ZNF510: variants seen among roughly 807,000 people sequenced by gnomAD.
ZNF510 encodes zinc finger protein 510.
ZNF510 carries 15 observed loss-of-function variants against 18.1 expected under a neutral mutation model. That is an observed-to-expected ratio of 0.83 (90% CI 0.55 to 1.28). The LOEUF is 1.28. ZNF510 is among the 50% of genes most tolerant of loss of function. The pLI is 0.00. For synonymous variants in ZNF510, 261 were observed against 266.4 expected (o/e 0.98, Z 0.20); for missense variants, 724 against 791.8 (o/e 0.91, Z 1.03).
intron 5 of ZNF510, among the ~76,000 whole-genome samples, chr9:96,760,888 T>C (rs1190718510): frequency 6.6e-6 from 1 of 152,144 alleles, no homozygotes; most frequent in Non-Finnish European, 1.5e-5. Flanking sequence ...TGGAATAGAC[T>C]CAACAGGGAG....
At position 96,765,499 on chromosome 9, in the gene ZNF510, T is replaced by G. The variant is rs542346474; in HGVS notation, c.130-1867A>C. Among the ~76,000 whole-genome samples, 11 of 152,106 alleles carry G rather than the reference T, an allele frequency of 7.2e-5. No homozygotes were observed. In the East Asian group the frequency reaches 1.7e-3, roughly 24 times the overall value. On this transcript the variant is annotated intron_variant, in intron 3 of 5. Coordinates refer to ENST00000223428, the MANE Select transcript of ZNF510 (RefSeq NM_014930.3). ...ATATTTACTGCATTTTTGTGCTTTTTCTTGATGATTTCACTTTTTCTTTTT... is the reference window on the plus strand; with the variant it reads ...ATATTTACTGCATTTTTGTGCTTTTGCTTGATGATTTCACTTTTTCTTTTT...
chr9:96,768,603 C>T (rs1849524179), intron 3 of ZNF510, among the ~76,000 whole-genome samples: 1 of 151,840 alleles, frequency 6.6e-6, no homozygotes, highest in South Asian at 2.1e-4. Flanking sequence ...TACAATAGAA[C>T]AAAAAATAAT....
In ZNF510 at chr9:96,760,088, G is replaced by T. The variant is rs775015388; in HGVS notation, c.742C>A (p.Gln248Lys). The change falls in exon 6 of 6, where the codon CAA becomes AAA. Residue 248 changes from glutamine to lysine, a missense_variant. Transcript: ENST00000223428. ...NENLPKHPKF[Q>K]TLEQAFECNK... ...CATTCAAAAGCTTGCTCCAAAGTTT[G>T]AAACTTTGGATGCTTGGGAAGATTT... 1.5e-5 allele frequency: 24 copies of T among 1,609,952 alleles called. No individual in the cohort carries two copies. The East Asian group carries it at 4.9e-4, about 33-fold the overall frequency.
chr9:96,769,364 G>A (rs142245319), intron 3 of ZNF510, among the ~76,000 whole-genome samples: 1 of 151,380 alleles, frequency 6.6e-6, no homozygotes, highest in East Asian at 1.9e-4. Flanking sequence ...TTGAACCCAG[G>A]AGAAGGACGT....
chr9:96,762,484 G>C (rs1451190868), intron 5 of ZNF510, among the ~76,000 whole-genome samples: 2 of 148,414 alleles, frequency 1.3e-5, no homozygotes, highest in Non-Finnish European at 3.0e-5. Context: ...ACTCCAGCCT[G>C]AGTGACAGAG....
rs540167946 is a variant in ZNF510 at position 96,774,293 on chromosome 9, CCTGAAAAACTGTATTAATAATAAAA to C, written c.129+470_129+494del. Among the ~76,000 whole-genome samples the C allele has an allele frequency of 1.0e-2, 1,517 of 152,276 alleles. 26 individuals are homozygous for C. The highest frequency in any genetic ancestry group is 0.034 in the African/African-American group (1,430 of 41,546). ...TCTACCTGAACGTCTGTTTCCATTACCTGAAAAACTGTATTAATAATAAAACTGAAAAACTGTATTAATAAAAGCC... is the reference window on the plus strand; with the variant it reads ...TCTACCTGAACGTCTGTTTCCATTACCTGAAAAACTGTATTAATAAAAGCC... On this transcript the variant is annotated intron_variant, in intron 3 of 5. Transcript: ENST00000223428.
chr9:96,757,286 T>A lies in ZNF510; in HGVS notation c.*1492A>T, dbSNP rs1849217342. 6.6e-6 allele frequency: 1 copy of A among 152,200 alleles called. No individual in the cohort carries two copies. Among genetic ancestry groups the A allele is most frequent in the African/African-American group, 2.4e-5 (1 of 41,460 alleles). 9.4% of individuals were successfully genotyped at this position (152,200 alleles called of 1,614,324 possible). A position where few individuals can be genotyped will look rare whatever the true frequency, so the allele number is the denominator to read the frequency against. On this transcript the variant is annotated 3_prime_UTR_variant, in exon 6 of 6. Coordinates refer to ENST00000223428, the MANE Select transcript of ZNF510 (RefSeq NM_014930.3). ...GAGGTGTCAGGAGGTGTGGGGGCAG[T>A]ACCTCTGTGCAATTAAGGCACACTT... is the stretch of plus-strand genomic sequence containing the variant.
At position 96,757,032 on chromosome 9, in the gene ZNF510, A is replaced by G. The variant is rs1849211850; in HGVS notation, c.*1746T>C. On this transcript the variant is annotated 3_prime_UTR_variant, in exon 6 of 6. Coordinates refer to ENST00000223428, the MANE Select transcript of ZNF510 (RefSeq NM_014930.3). Reference sequence around the variant, plus strand: ...TACTGGCCCAAAGTACCTCACCCATAAAGTTATTAAATTTGTTTGCCTTCC... The same window carrying G: ...TACTGGCCCAAAGTACCTCACCCATGAAGTTATTAAATTTGTTTGCCTTCC... 6.6e-6 allele frequency: 1 copy of G among 152,212 alleles called. No individual in the cohort carries two copies. Among genetic ancestry groups the G allele is most frequent in the African/African-American group, 2.4e-5 (1 of 41,452 alleles). The allele number at this position is 152,212 out of a possible 1,614,324, so 9.4% of individuals were successfully genotyped here.
rs1021913208 is a variant in ZNF510 at position 96,758,836 on chromosome 9, C to A, written c.1994G>T (p.Cys665Phe). 6.2e-7 allele frequency: 1 copy of A among 1,612,808 alleles called. No homozygotes were observed. The highest frequency in any genetic ancestry group is 8.5e-7 in the Non-Finnish European group (1 of 1,179,160). ...GTATAAGCTTAGGGTAGACTTCTTA[C>A]ATAATTTCCCATATTCATTGCATTC... Reference protein sequence around the residue: ...SYECNEYGKLCKKSTLSLYQK... With the variant: ...SYECNEYGKLFKKSTLSLYQK... Residue 665 changes from cysteine to phenylalanine, a missense_variant, in exon 6 of 6, where the codon TGT (cysteine) becomes TTT (phenylalanine). Physicochemically the swap from Cys to Phe is radical, Grantham distance 205. Transcript: ENST00000223428.
intron 3 of ZNF510, among the ~76,000 whole-genome samples, chr9:96,773,991 GTTCT>G (rs1051501609): frequency 2.0e-5 from 3 of 152,208 alleles, no homozygotes; most frequent in African/African-American, 7.2e-5. Context: ...CCAGTCTGTG[GTTCT>G]TTATTATAGC....
rs188946413 is a variant in ZNF510 at position 96,775,456 on chromosome 9, T to A, written c.70+544A>T. ...ACTAACAACTTAAACAGAATTAACA[T>A]TAATATTCTGTTAATATTATTTACA... On this transcript the variant is annotated intron_variant, in intron 2 of 5. Transcript: ENST00000223428. 4.2e-3 allele frequency among the ~76,000 whole-genome samples: 647 copies of A among 152,292 alleles called. 1 individual carries two copies. The highest frequency in any genetic ancestry group is 6.9e-3 in the Non-Finnish European group (472 of 68,022).
intron 3 of ZNF510, among the ~76,000 whole-genome samples, chr9:96,771,832 C>T (rs556906404): frequency 2.6e-5 from 4 of 151,966 alleles, no homozygotes; most frequent in Non-Finnish European, 5.9e-5. Context: ...TGGAAAATGA[C>T]ATTTAAAATG....
chr9:96,774,819 A>C lies in ZNF510; in HGVS notation c.98T>G (p.Phe33Cys). Residue 33 changes from phenylalanine (F) to cysteine (C), a missense_variant, in exon 3 of 6, where the codon TTT (phenylalanine) becomes TGT (cysteine). By Grantham distance (205) the Phe-to-Cys change is radical (BLOSUM62 -2). Coordinates refer to ENST00000223428, the MANE Select transcript of ZNF510 (RefSeq NM_014930.3). ...GGYPLRFSTL[F>C]QEQQKMNISQ... is the part of the protein sequence containing the mutation. ...TATGTTCATTTTCTGCTGCTCCTGA[A>C]AGAGTGTGGAGAACCGTAAAGGATA... The C allele has an allele frequency of 6.2e-7, 1 of 1,614,048 alleles. No individual in the cohort carries two copies. The highest frequency in any genetic ancestry group is 8.5e-7 in the Non-Finnish European group (1 of 1,180,002).
At chr9:96,764,996 CT>C (rs143697782) in intron 3 of ZNF510, among the ~76,000 whole-genome samples, 7,435 of 152,068 alleles carry the variant, frequency 0.049, 582 homozygotes, top group African/African-American at 0.17. Flanking sequence ...GCCTGTAATC[CT>C]AGCTACTCAG....
rs758770824 is a variant in ZNF510 at position 96,760,240 on chromosome 9, GAATAGTT to G, written c.583_589del (p.Asn195GlnfsTer5). 1 of 1,612,700 alleles carries G rather than the reference GAATAGTT, an allele frequency of 6.2e-7. No homozygotes were observed. The highest frequency in any genetic ancestry group is 1.1e-5 in the South Asian group (1 of 90,732). On this transcript the variant is annotated frameshift_variant, in exon 6 of 6. Coordinates refer to ENST00000223428, the MANE Select transcript of ZNF510 (RefSeq NM_014930.3). LOFTEE classifies it low-confidence loss of function (END_TRUNC). The stretch of plus-strand genomic sequence containing the variant: ...ATTACCGCAACCTATTTTCTTTGTT[GAATAGTT>G]TCTATTATTAATGATAAATTCAGAA...
intron 3 of ZNF510, among the ~76,000 whole-genome samples, chr9:96,764,203 A>G (rs1178427993): frequency 1.3e-5 from 2 of 152,176 alleles, no homozygotes; most frequent in Non-Finnish European, 2.9e-5. Flanking sequence ...TTGTAGCCAA[A>G]AAATGTAAAT....
intron 3 of ZNF510, among the ~76,000 whole-genome samples, chr9:96,767,181 A>T (rs1348657453): frequency 1.3e-5 from 2 of 152,118 alleles, no homozygotes; most frequent in South Asian, 2.1e-4. Context: ...TAGAAAAATT[A>T]GCCAGGTGTG....
At position 96,760,094 on chromosome 9, in the gene ZNF510, T is replaced by C. The variant is rs1362666619; in HGVS notation, c.736A>G (p.Lys246Glu). 6.2e-7 allele frequency: 1 copy of C among 1,609,450 alleles called. No homozygotes were observed. The highest frequency in any genetic ancestry group is 8.5e-7 in the Non-Finnish European group (1 of 1,178,506). ...NYNENLPKHPKFQTLEQAFEC... is the reference protein window; with the variant it reads ...NYNENLPKHPEFQTLEQAFEC... ...AAAGCTTGCTCCAAAGTTTGAAACT[T>C]TGGATGCTTGGGAAGATTTTCATTA... The change falls in exon 6 of 6, where the codon AAG becomes GAG. Residue 246 changes from lysine to glutamate, a missense_variant. Physicochemically the swap from Lys to Glu is moderately conservative, Grantham distance 56. Transcript: ENST00000223428.
chr9:96,768,608 A>C (rs906298677), intron 3 of ZNF510, among the ~76,000 whole-genome samples: 6 of 152,172 alleles, frequency 3.9e-5, no homozygotes, highest in African/African-American at 1.4e-4. Flanking sequence ...TAGAACAAAA[A>C]ATAATAAAAT....
Sources: allele counts gnomAD v4.1 joint callset (sites outside exome capture counted in the v4.1 genomes callset), GRCh38; gene constraint gnomAD v4.1.1; transcripts MANE v1.5; gene names NCBI Gene and HGNC (gene_info 2026-07-23, HGNC 2026-07-21).